The following NOL4L variants were observed in gnomAD, a reference collection of about 807,000 sequenced individuals.
NOL4L encodes nucleolar protein 4-like.
NOL4L carries 7 observed loss-of-function variants against 64.5 expected under a neutral mutation model. The ratio of observed to expected loss-of-function variants is 0.11; its 90% CI spans 0.06 to 0.20. The LOEUF (loss-of-function observed/expected upper bound fraction) is 0.20, where lower values mean the gene tolerates loss of function less well. Among genes scored for constraint, NOL4L ranks in the 10% least tolerant of loss-of-function variants. The pLI, the probability that NOL4L is intolerant of heterozygous loss-of-function variation, is 1.00. For missense variants in NOL4L, 680 were observed against 967.1 expected (o/e 0.70, Z 3.94); for synonymous variants, 413 against 401.0 (o/e 1.03, Z -0.36).
intron 1 of NOL4L, among the ~76,000 whole-genome samples, chr20:32,581,042 G>GT: frequency 6.6e-6 from 1 of 152,342 alleles, no homozygotes; most frequent in Admixed American, 6.5e-5. Flanking sequence ...CAGGCCAAAC[G>GT]TAAGAAATAA....
At chr20:32,484,407 C>CCCCCTT (rs1475708650) in intron 4 of NOL4L, among the ~76,000 whole-genome samples, 7 of 152,060 alleles carry the variant, frequency 4.6e-5, no homozygotes, top group Non-Finnish European at 1.0e-4. Context: ...CCGCGCCCCT[C>CCCCCTT]CCCCTTCCCC....
rs186411805 is a variant in NOL4L, at chr20:32,453,905, G to A, written c.1120-144C>T. ...GCCATAGCTGCGAGGCCCTGAGCAA[G>A]TCACTCCCCTCTTCTGCTCCCTTCA... On this transcript the variant is annotated intron_variant, in intron 6 of 10. Coordinates refer to ENST00000621426, the MANE Select transcript of NOL4L (RefSeq NM_001256798.2). This position sits in a 1 kb window ranked among gnomAD's most constrained non-coding sequence, Gnocchi z 5.6. 384 of 698,408 alleles carry A rather than the reference G, an allele frequency of 5.5e-4. 2 individuals carry two copies. The highest frequency in any genetic ancestry group is 4.4e-3 in the Middle Eastern group (11 of 2,478). The allele number at this position is 698,408 out of a possible 1,614,324, so 43.3% of individuals were successfully genotyped here. A position where few individuals can be genotyped will look rare whatever the true frequency, so the allele number is the denominator to read the frequency against.
At chr20:32,566,186 T>C (rs910685295) in intron 1 of NOL4L, among the ~76,000 whole-genome samples, 1 of 152,302 alleles carries the variant, frequency 6.6e-6, no homozygotes, top group Admixed American at 6.5e-5. Flanking sequence ...AAAACTCCTG[T>C]CCCTGTTTTG....
chr20:32,534,399 T>C (rs552600398), intron 1 of NOL4L, among the ~76,000 whole-genome samples: 3 of 152,312 alleles, frequency 2.0e-5, no homozygotes, highest in African/African-American at 7.2e-5. Flanking sequence ...TTCAGGGGGC[T>C]GATTGCACAG....
At chr20:32,478,280 C>T (rs555376903) in intron 4 of NOL4L, among the ~76,000 whole-genome samples, 2 of 86,592 alleles carry the variant, frequency 2.3e-5, no homozygotes, top group Non-Finnish European at 4.7e-5. Flanking sequence ...CACACTCTCT[C>T]TCTCTCTCTC....
rs538365547 is a variant in NOL4L at position 32,477,422 on chromosome 20, AACC to A, written c.700-2683_700-2681del. Among the ~76,000 whole-genome samples, 126 of 152,336 alleles carry A rather than the reference AACC, an allele frequency of 8.3e-4. 6 individuals carry two copies. In the South Asian group the frequency reaches 0.025, roughly 31 times the overall value. On this transcript the variant is annotated intron_variant, in intron 4 of 10. Coordinates refer to ENST00000621426, the MANE Select transcript of NOL4L (RefSeq NM_001256798.2). Reference sequence around the variant, plus strand: ...GCCTAGAACCCACACTGCTGCTGTGAACCACAATCCCAATTCCAAGCTGTATCC... The same window carrying A: ...GCCTAGAACCCACACTGCTGCTGTGAACAATCCCAATTCCAAGCTGTATCC...
chr20:32,472,263 C>A (rs745311152), intron 5 of NOL4L, among the ~76,000 whole-genome samples: 5 of 152,234 alleles, frequency 3.3e-5, no homozygotes, highest in Non-Finnish European at 4.4e-5. Flanking sequence ...GGGCCATGTT[C>A]GCAACCGAGT....
intron 1 of NOL4L, among the ~76,000 whole-genome samples, chr20:32,537,417 A>C (rs767450219): frequency 1.3e-5 from 2 of 152,050 alleles, no homozygotes; most frequent in Non-Finnish European, 2.9e-5. Context: ...CGGTGCACCT[A>C]CTGTGTGCCA....
In NOL4L at chr20:32,447,771, G is replaced by A. The variant is rs774040982; in HGVS notation, c.1868C>T (p.Thr623Ile). 10 of 1,585,672 alleles carry A rather than the reference G, an allele frequency of 6.3e-6. No homozygotes were observed. The highest frequency in any genetic ancestry group is 4.5e-5 in the South Asian group (4 of 88,462). The change falls in exon 11 of 11, where the codon ACC becomes ATC. Residue 623 changes from threonine (T) to isoleucine (I), a missense_variant. Coordinates refer to ENST00000621426, the MANE Select transcript of NOL4L (RefSeq NM_001256798.2). ...GCTGGAGGGGGTGGGCGTGGGGGTG[G>A]TGGAGGTGGTAGAGGCCCCGCCTTT... ...SMKGGASTTS[T>I]TPTPTPSSTS...
In NOL4L at chr20:32,584,557, C is replaced by A; in HGVS notation, c.321+13G>T. On this transcript the variant is annotated intron_variant, in intron 1 of 10. Transcript: ENST00000621426. ...CGGCGGGACCCGCCCGCGGCCGCCG[C>A]GCGCGCACTCACCGAGCCCGTCTTG... is the stretch of plus-strand genomic sequence containing the variant. 1 of 1,340,538 alleles carries A rather than the reference C, an allele frequency of 7.5e-7. No homozygotes were observed. Among genetic ancestry groups the A allele is most frequent in the Admixed American group, 3.6e-5 (1 of 27,888 alleles). The allele number at this position is 1,340,538 out of a possible 1,614,324, so 83.0% of individuals were successfully genotyped here. A position where few individuals can be genotyped will look rare whatever the true frequency, so the allele number is the denominator to read the frequency against.
intron 2 of NOL4L, among the ~76,000 whole-genome samples, chr20:32,523,893 T>C (rs549054064): frequency 4.9e-4 from 75 of 152,218 alleles, no homozygotes; most frequent in African/African-American, 1.8e-3. Flanking sequence ...CCCATTTCAC[T>C]CCCCAACTCA....
intron 5 of NOL4L, among the ~76,000 whole-genome samples, chr20:32,456,689 G>T (rs2013567045): frequency 6.6e-6 from 1 of 152,220 alleles, no homozygotes; most frequent in Admixed American, 6.5e-5. Context: ...AGGCTTAAGG[G>T]AGACCGAGCT....
In NOL4L at chr20:32,488,790, CCTTTCTTTCTTTCTTTTTCTTTCTTT is replaced by C. The variant is rs1568647866; in HGVS notation, c.700-14074_700-14049del. Reference sequence around the variant, plus strand: ...TCCTTCCTTCCTTCCTTCCTTCCTTCCTTTCTTTCTTTCTTTTTCTTTCTTTCTTTCTTTCTTTTTCTTTCTTTCTT... The same window carrying C: ...TCCTTCCTTCCTTCCTTCCTTCCTTCCTTTCTTTCTTTTTCTTTCTTTCTT... On this transcript the variant is annotated intron_variant, in intron 4 of 10. Transcript: ENST00000621426. 2.3e-4 allele frequency among the ~76,000 whole-genome samples: 9 copies of C among 39,752 alleles called. No homozygotes were observed. In the South Asian group the frequency reaches 3.7e-3, roughly 16 times the overall value. 26.1% of individuals were successfully genotyped at this position (39,752 alleles called of 152,430 possible).
At chr20:32,578,299 T>C (rs1327853425) in intron 1 of NOL4L, among the ~76,000 whole-genome samples, 1 of 152,204 alleles carries the variant, frequency 6.6e-6, no homozygotes, top group African/African-American at 2.4e-5. Flanking sequence ...TCAAGAGTTC[T>C]TGTTCTAATA....
intron 1 of NOL4L, chr20:32,536,400 G>T: frequency 1.3e-6 from 1 of 757,908 alleles, no homozygotes; most frequent in Non-Finnish European, 1.6e-6. Flanking sequence ...GGAGGGGGAG[G>T]GGAGTGGGCC....
chr20:32,535,105 G>A (rs1405307708), intron 1 of NOL4L, among the ~76,000 whole-genome samples: 2 of 151,978 alleles, frequency 1.3e-5, no homozygotes, highest in African/African-American at 2.4e-5. Flanking sequence ...CCAGAATGAA[G>A]ACCATCACCC....
chr20:32,544,010 T>C (rs2018697909), intron 1 of NOL4L, among the ~76,000 whole-genome samples: 1 of 151,968 alleles, frequency 6.6e-6, no homozygotes, highest in African/African-American at 2.4e-5. Flanking sequence ...CAGTGGTGTG[T>C]AGGATGGTGG....
intron 4 of NOL4L, among the ~76,000 whole-genome samples, chr20:32,476,727 C>A (rs928150453): frequency 1.3e-5 from 2 of 152,208 alleles, no homozygotes; most frequent in Non-Finnish European, 2.9e-5. Context: ...TGCCTGGCAC[C>A]CCTCGATCCA....
At chr20:32,504,888 T>A (rs1329911371) in intron 4 of NOL4L, among the ~76,000 whole-genome samples, 1 of 152,182 alleles carries the variant, frequency 6.6e-6, no homozygotes. Context: ...CGTGAGCCAC[T>A]GCACCGGCCA....
Sources: allele counts gnomAD v4.1 joint callset (sites outside exome capture counted in the v4.1 genomes callset), GRCh38; gene constraint gnomAD v4.1.1; non-coding constraint Gnocchi (gnomAD v3.1); transcripts MANE v1.5; gene names NCBI Gene and HGNC (gene_info 2026-07-23, HGNC 2026-07-21).